ALLC: variants seen among roughly 807,000 people sequenced by gnomAD.
ALLC encodes allantoicase.
A neutral mutation model predicts 45.0 loss-of-function variants in ALLC; 40 were observed. That is an observed-to-expected ratio of 0.89 (90% CI 0.69 to 1.16). ALLC has a LOEUF of 1.16. ALLC is among the 50% of genes most tolerant of loss of function. The probability of loss-of-function intolerance (pLI) is 0.00; values close to 1 mark genes in which losing one functional copy is unlikely to be tolerated. For synonymous variants in ALLC, 176 were observed against 178.1 expected (o/e 0.99, Z 0.09); for missense variants, 488 against 493.1 (o/e 0.99, Z 0.10).
At chr2:3,664,473 T>C (rs1323394997) in intron 1 of ALLC, among the ~76,000 whole-genome samples, 1 of 152,324 alleles carries the variant, frequency 6.6e-6, no homozygotes, top group East Asian at 1.9e-4. Flanking sequence ...ACTCCTGTTC[T>C]CTAGAGAAGC....
intron 1 of ALLC, among the ~76,000 whole-genome samples, chr2:3,670,710 C>A (rs1353979264): frequency 6.6e-6 from 1 of 152,104 alleles, no homozygotes; most frequent in Non-Finnish European, 1.5e-5. Context: ...CCCAGGGTCT[C>A]AATACATGTG....
At chr2:3,689,911 C>A (rs1259881531) in intron 7 of ALLC, among the ~76,000 whole-genome samples, 1 of 147,758 alleles carries the variant, frequency 6.8e-6, no homozygotes, top group African/African-American at 2.5e-5. Context: ...CATAGATATT[C>A]ATAATTGACC....
At chr2:3,652,182 G>T in the ALLC span, among the ~76,000 whole-genome samples, 3 of 152,262 alleles carry the variant, frequency 2.0e-5, no homozygotes, top group African/African-American at 7.2e-5. Context: ...ACCACGACCT[G>T]CAAGGGCCCC....
intron 6 of ALLC, 145 bp from the exon 7 acceptor site, chr2:3,682,797 T>C: frequency 1.3e-6 from 1 of 786,622 alleles, no homozygotes; most frequent in Middle Eastern, 3.3e-4. Context: ...GGTGCTGGGA[T>C]TACAGGCGTG....
the ALLC span, among the ~76,000 whole-genome samples, chr2:3,650,840 T>A: frequency 1.3e-5 from 2 of 152,218 alleles, no homozygotes; most frequent in Non-Finnish European, 2.9e-5. Flanking sequence ...ACGGGGCCTT[T>A]CTTTGTACCT....
the ALLC span, among the ~76,000 whole-genome samples, chr2:3,651,338 T>G: frequency 0.16 from 151 of 950 alleles, 47 homozygotes; most frequent in African/African-American, 0.4. Flanking sequence ...TGTGTGTGTG[T>G]GTGTGTGTGT....
At chr2:3,648,751 A>T in the ALLC span, among the ~76,000 whole-genome samples, 1 of 152,194 alleles carries the variant, frequency 6.6e-6, no homozygotes, top group Admixed American at 6.5e-5. Flanking sequence ...CCATGTGGGC[A>T]GACGGCCGCC....
chr2:3,652,759 T>G, the ALLC span, among the ~76,000 whole-genome samples: 1 of 151,976 alleles, frequency 6.6e-6, no homozygotes, highest in Non-Finnish European at 1.5e-5. Flanking sequence ...TTTTTTGTGT[T>G]TTAGTAGAGA....
Position 3,666,968 on chromosome 2 carries a change from T to C in ALLC, c.-62-4128T>C, listed in dbSNP as rs116189364. 4.7e-3 allele frequency among the ~76,000 whole-genome samples: 713 copies of C among 152,284 alleles called. 12 individuals carry two copies. The highest frequency in any genetic ancestry group is 0.016 in the African/African-American group (675 of 41,554). ...AAAGGAGGAACTGGATTTTGAGTTT[T>C]ATATAATTTCAAGTAACTGAAAAGT... On this transcript the variant is annotated intron_variant, in intron 1 of 11. Coordinates refer to ENST00000252505, the MANE Select transcript of ALLC (RefSeq NM_018436.4).
intron 1 of ALLC, among the ~76,000 whole-genome samples, chr2:3,667,222 T>TC (rs1331954457): frequency 6.6e-6 from 1 of 152,134 alleles, no homozygotes; most frequent in Non-Finnish European, 1.5e-5. Flanking sequence ...GTGTCTTCAG[T>TC]CCCCCGCTGC....
chr2:3,681,104 G>A (rs925469646), intron 5 of ALLC, among the ~76,000 whole-genome samples: 3 of 152,204 alleles, frequency 2.0e-5, no homozygotes, highest in Non-Finnish European at 4.4e-5. Context: ...AGGCTCTGTG[G>A]ACACGAACGG....
the ALLC span, among the ~76,000 whole-genome samples, chr2:3,650,263 T>C: frequency 6.6e-6 from 1 of 152,148 alleles, no homozygotes; most frequent in African/African-American, 2.4e-5. Context: ...AGCAAAGCCC[T>C]GTTCCAGGTT....
At chr2:3,653,437 G>A (rs903830761), upstream of ALLC, among the ~76,000 whole-genome samples, 25 of 152,194 alleles carry the variant, frequency 1.6e-4, no homozygotes, top group Admixed American at 6.5e-4. The surrounding 1 kb of genome is among the most constrained non-coding windows in gnomAD (Gnocchi z 4.1). Context: ...GGCAAGGACT[G>A]GGCATGTGTT....
intron 9 of ALLC, among the ~76,000 whole-genome samples, 154 bp from the exon 10 acceptor site, chr2:3,697,194 C>T (rs1189656744): frequency 6.6e-6 from 1 of 152,160 alleles, no homozygotes; most frequent in East Asian, 1.9e-4. Context: ...AGGCAATTTA[C>T]ATGAAAGTGA....
intron 4 of ALLC, among the ~76,000 whole-genome samples, chr2:3,679,575 C>T (rs774729641): frequency 6.6e-6 from 1 of 152,200 alleles, no homozygotes; most frequent in Non-Finnish European, 1.5e-5. Flanking sequence ...TTGCCAAGGA[C>T]AGTCATAGGA....
At chr2:3,672,877 G>C (rs1666925737) in intron 2 of ALLC, among the ~76,000 whole-genome samples, 1 of 152,264 alleles carries the variant, frequency 6.6e-6, no homozygotes, top group African/African-American at 2.4e-5. Flanking sequence ...GCGCTGGGGT[G>C]CAGGCTGTGC....
At chr2:3,659,753 A>G (rs935551512) in intron 1 of ALLC, among the ~76,000 whole-genome samples, 29 of 152,196 alleles carry the variant, frequency 1.9e-4, no homozygotes, top group African/African-American at 7.0e-4. Context: ...ACGGCCCCTT[A>G]TACCGCCAGC....
At chr2:3,700,697 G>C (rs1325330857) in intron 10 of ALLC, among the ~76,000 whole-genome samples, 1 of 152,146 alleles carries the variant, frequency 6.6e-6, no homozygotes, top group Non-Finnish European at 1.5e-5. Flanking sequence ...ATGTATATCA[G>C]ACAAATAGAA....
chr2:3,657,790 T>C (rs1471784756), upstream of ALLC, among the ~76,000 whole-genome samples: 1 of 152,224 alleles, frequency 6.6e-6, no homozygotes, highest in African/African-American at 2.4e-5. Context: ...ATTTACTTTT[T>C]CTGGGGCTGA....
Sources: allele counts gnomAD v4.1 joint callset (sites outside exome capture counted in the v4.1 genomes callset), GRCh38; gene constraint gnomAD v4.1.1; non-coding constraint Gnocchi (gnomAD v3.1); transcripts MANE v1.5; gene names NCBI Gene and HGNC (gene_info 2026-07-23, HGNC 2026-07-21).